SESTD1: variants seen among roughly 807,000 people sequenced by gnomAD.
SESTD1 encodes the protein SEC14 domain and spectrin repeat-containing protein 1.
In SESTD1, 43 loss-of-function variants were observed where a neutral mutation model predicts 101.7. The observed-to-expected ratio is 0.42, with a 90% CI of 0.33 to 0.55. The LOEUF (loss-of-function observed/expected upper bound fraction) is 0.55, where lower values mean the gene tolerates loss of function less well. Among genes scored for constraint, SESTD1 ranks in the 20% least tolerant of loss-of-function variants. The probability of loss-of-function intolerance (pLI) is 0.07; values close to 1 mark genes in which losing one functional copy is unlikely to be tolerated. For missense variants in SESTD1, 647 were observed against 815.1 expected (o/e 0.79, Z 2.51); for synonymous variants, 283 against 286.8 (o/e 0.99, Z 0.13).
Position 179,205,018 on chromosome 2 carries a change from C to T in SESTD1, c.-25-13152G>A, listed in dbSNP as rs908253301. ...ATTCTCAGCTGCCTTTAATTCCTTC[C>T]TATTTTTTTGAACTTATTTCTCCAT... On this transcript the variant is annotated intron_variant, in intron 1 of 17. Transcript: ENST00000428443. 4.5e-5 allele frequency among the ~76,000 whole-genome samples: 6 copies of T among 134,428 alleles called. 2 individuals carry two copies. Among genetic ancestry groups the T allele is most frequent in the Non-Finnish European group, 8.0e-5 (5 of 62,638 alleles). The allele number at this position is 134,428 out of a possible 152,430, so 88.2% of individuals were successfully genotyped here.
chr2:179,246,464 A>T (rs972931020), intron 1 of SESTD1, among the ~76,000 whole-genome samples: 1 of 151,678 alleles, frequency 6.6e-6, no homozygotes, highest in Non-Finnish European at 1.5e-5. Context: ...ATAACTGCAG[A>T]TATCTCTTCA....
intron 1 of SESTD1, among the ~76,000 whole-genome samples, chr2:179,215,185 A>G (rs1352430618): frequency 7.4e-6 from 1 of 135,158 alleles, no homozygotes; most frequent in Non-Finnish European, 1.6e-5. Context: ...CTTCAAAAAA[A>G]TCAATGAATG....
intron 1 of SESTD1, among the ~76,000 whole-genome samples, chr2:179,225,874 T>C (rs1019879942): frequency 6.6e-6 from 1 of 152,150 alleles, no homozygotes; most frequent in Non-Finnish European, 1.5e-5. Context: ...CAACCACAGT[T>C]GGAACTAAGT....
At chr2:179,118,259 CAAAA>C (rs1207435237) in intron 13 of SESTD1, among the ~76,000 whole-genome samples, 1 of 151,962 alleles carries the variant, frequency 6.6e-6, no homozygotes, top group Non-Finnish European at 1.5e-5. Context: ...CTTAAAAAAA[CAAAA>C]AAACTCTACT....
chr2:179,128,268 T>C (rs2044923115), intron 10 of SESTD1, among the ~76,000 whole-genome samples: 1 of 152,190 alleles, frequency 6.6e-6, no homozygotes, highest in South Asian at 2.1e-4. Flanking sequence ...AAATACATTG[T>C]GAGGACTAGT....
intron 14 of SESTD1, among the ~76,000 whole-genome samples, chr2:179,117,215 A>G (rs1221658558): frequency 6.6e-6 from 1 of 152,190 alleles, no homozygotes; most frequent in African/African-American, 2.4e-5. Flanking sequence ...GATGCAAGAG[A>G]GCAAAATGCA....
chr2:179,143,130 A>G (rs905762111), intron 9 of SESTD1, among the ~76,000 whole-genome samples: 1 of 152,154 alleles, frequency 6.6e-6, no homozygotes, highest in Non-Finnish European at 1.5e-5. Context: ...AAAATTCCTA[A>G]TAACTAAATA....
intron 1 of SESTD1, among the ~76,000 whole-genome samples, chr2:179,250,555 G>GT (rs2105554880): frequency 6.6e-6 from 1 of 152,202 alleles, no homozygotes; most frequent in Admixed American, 6.5e-5. Context: ...TGGCTTGCAG[G>GT]TACTGCCTTT....
chr2:179,119,283 A>C (rs541179580), intron 13 of SESTD1, among the ~76,000 whole-genome samples: 1 of 152,238 alleles, frequency 6.6e-6, no homozygotes, highest in Non-Finnish European at 1.5e-5. Context: ...CAGAACCTGG[A>C]CATTTGATTA....
chr2:179,124,613 A>T, intron 10 of SESTD1, 55 bp from the exon 11 acceptor site: 13 of 1,382,438 alleles, frequency 9.4e-6, no homozygotes, highest in Non-Finnish European at 1.2e-5. Flanking sequence ...CCTGGAAGAG[A>T]TTACATTTTA....
chr2:179,260,426 G>A (rs184265155), intron 1 of SESTD1, among the ~76,000 whole-genome samples: 5 of 152,222 alleles, frequency 3.3e-5, no homozygotes, highest in Non-Finnish European at 7.4e-5. Flanking sequence ...TGAGGTGGGT[G>A]AATGACTTGA....
chr2:179,250,748 G>A (rs1177570641), intron 1 of SESTD1, among the ~76,000 whole-genome samples: 1 of 152,082 alleles, frequency 6.6e-6, no homozygotes, highest in Non-Finnish European at 1.5e-5. Flanking sequence ...AGGTACTAGG[G>A]GTTAGAGCTT....
intron 9 of SESTD1, among the ~76,000 whole-genome samples, chr2:179,143,312 G>T (rs972219497): frequency 6.6e-6 from 1 of 152,116 alleles, no homozygotes; most frequent in Non-Finnish European, 1.5e-5. Context: ...GTTATTTATT[G>T]CAAGAATACA....
At chr2:179,204,016 G>A (rs1470363863) in intron 1 of SESTD1, among the ~76,000 whole-genome samples, 1 of 135,104 alleles carries the variant, frequency 7.4e-6, no homozygotes, top group Admixed American at 7.2e-5. Context: ...CTGGGTTGTA[G>A]GACACCCAGG....
chr2:179,104,453 TAGAAA>T lies in SESTD1; in HGVS notation c.*5441_*5445del, dbSNP rs906018378. The T allele has an allele frequency of 1.3e-5, 2 of 152,100 alleles. No homozygotes were observed. Among genetic ancestry groups the T allele is most frequent in the African/African-American group, 4.8e-5 (2 of 41,424 alleles). The allele number at this position is 152,100 out of a possible 1,614,324, so 9.4% of individuals were successfully genotyped here. ...ACTAAAAAAGAATCTGTAACTGTAA[TAGAAA>T]AGAAGTGAGGCTTGGTCATAAATAG... On this transcript the variant is annotated 3_prime_UTR_variant, in exon 18 of 18. Coordinates refer to ENST00000428443, the MANE Select transcript of SESTD1 (RefSeq NM_178123.5).
chr2:179,186,750 C>T (rs893381170), intron 2 of SESTD1, among the ~76,000 whole-genome samples: 23 of 146,130 alleles, frequency 1.6e-4, no homozygotes, highest in African/African-American at 4.9e-4. Flanking sequence ...TGCAGTGGCG[C>T]GATCTTGGCT....
intron 1 of SESTD1, among the ~76,000 whole-genome samples, chr2:179,233,239 A>T (rs2047011251): frequency 6.6e-6 from 1 of 152,218 alleles, no homozygotes; most frequent in African/African-American, 2.4e-5. Context: ...AGTTCCAGTA[A>T]GTGGGTTTGC....
intron 14 of SESTD1, 23 bp downstream of exon 14, chr2:179,117,509 T>C: frequency 4.5e-6 from 7 of 1,545,136 alleles, no homozygotes; most frequent in Non-Finnish European, 5.2e-6. Flanking sequence ...GTTAACTACA[T>C]AATGTAGCTG....
At chr2:179,262,342 C>A (rs1159023771) in intron 1 of SESTD1, among the ~76,000 whole-genome samples, 1 of 152,094 alleles carries the variant, frequency 6.6e-6, no homozygotes, top group Non-Finnish European at 1.5e-5. Flanking sequence ...AAAGTGAATT[C>A]TATGGCATAT....
Sources: allele counts gnomAD v4.1 joint callset (sites outside exome capture counted in the v4.1 genomes callset), GRCh38; gene constraint gnomAD v4.1.1; transcripts MANE v1.5; gene names NCBI Gene and HGNC (gene_info 2026-07-23, HGNC 2026-07-21).